Variants in NRP1 observed in about 807,000 individuals in gnomAD.
NRP1 encodes neuropilin-1.
A neutral mutation model predicts 106.7 loss-of-function variants in NRP1; 35 were observed. That is an observed-to-expected ratio of 0.33 (90% CI 0.25 to 0.43). NRP1 has a LOEUF of 0.43. NRP1 is among the 20% of genes least tolerant of loss of function. The probability of loss-of-function intolerance (pLI) is 1.00; values close to 1 mark genes in which losing one functional copy is unlikely to be tolerated. For missense variants in NRP1, 1,024 were observed against 1,170.4 expected (o/e 0.87, Z 1.83); for synonymous variants, 437 against 417.9 (o/e 1.05, Z -0.56).
At chr10:33,253,063 G>A (rs538970015) in intron 6 of NRP1, among the ~76,000 whole-genome samples, 4 of 150,462 alleles carry the variant, frequency 2.7e-5, no homozygotes, top group Admixed American at 6.6e-5. Flanking sequence ...AGCAATAAAC[G>A]TAAGACAGGA....
chr10:33,186,106 C>G (rs768084911), intron 14 of NRP1, 111 bp downstream of exon 14: 20 of 1,360,356 alleles, frequency 1.5e-5, no homozygotes, highest in Non-Finnish European at 1.9e-5. Flanking sequence ...GGTTGGGAAA[C>G]ACTGGAAATA....
intron 2 of NRP1, among the ~76,000 whole-genome samples, chr10:33,301,799 C>T (rs983944616): frequency 2.6e-5 from 4 of 151,940 alleles, no homozygotes; most frequent in African/African-American, 7.3e-5. Context: ...ACTTTTTGAG[C>T]GATTCGTTTT....
At chr10:33,300,022 T>A (rs1246502712) in intron 2 of NRP1, among the ~76,000 whole-genome samples, 1 of 152,192 alleles carries the variant, frequency 6.6e-6, no homozygotes, top group Admixed American at 6.5e-5. Context: ...TAACTCCCAT[T>A]TCCTACCAAA....
At chr10:33,206,283 T>C in intron 10 of NRP1, 1 of 519,018 alleles carries the variant, frequency 1.9e-6, no homozygotes. Context: ...AGTCTGCCCA[T>C]CTCTTCTTTT....
intron 12 of NRP1, chr10:33,195,670 A>T (rs1366618630): frequency 6.3e-6 from 3 of 476,946 alleles, no homozygotes; most frequent in African/African-American, 2.0e-5. Flanking sequence ...AGCATGCTCA[A>T]GTCCCCATGC....
At chr10:33,248,814 A>T (rs1448742096) in intron 6 of NRP1, among the ~76,000 whole-genome samples, 1 of 152,226 alleles carries the variant, frequency 6.6e-6, no homozygotes, top group Non-Finnish European at 1.5e-5. Context: ...CTAATCCACA[A>T]GAGGGCTGAT....
intron 1 of NRP1, among the ~76,000 whole-genome samples, chr10:33,333,141 A>G (rs73253822): frequency 0.085 from 12,882 of 152,152 alleles, 805 homozygotes; most frequent in African/African-American, 0.17. Context: ...TGAATTCTAC[A>G]TTCATAATTT....
At chr10:33,185,777 G>T in intron 14 of NRP1, 53 bp from the exon 15 acceptor site, 1 of 1,458,266 alleles carries the variant, frequency 6.9e-7, no homozygotes, top group Non-Finnish European at 9.6e-7. Flanking sequence ...TCACATGGCA[G>T]TGTTTACAAA....
chr10:33,254,850 C>T (rs570798646), intron 5 of NRP1, among the ~76,000 whole-genome samples: 1 of 152,174 alleles, frequency 6.6e-6, no homozygotes. Context: ...TCATAATGCT[C>T]ACAACAGTGA....
intron 2 of NRP1, among the ~76,000 whole-genome samples, chr10:33,306,650 G>A (rs754795582): frequency 1.4e-4 from 22 of 152,180 alleles, no homozygotes; most frequent in Non-Finnish European, 2.9e-4. Flanking sequence ...GTTAAAGGTA[G>A]TCAATGATGT....
At chr10:33,220,997 G>A (rs1049858704) in intron 8 of NRP1, among the ~76,000 whole-genome samples, 6 of 151,780 alleles carry the variant, frequency 4.0e-5, no homozygotes, top group East Asian at 3.9e-4. Context: ...TTGGGAGGCC[G>A]AGGTGGGAGG....
intron 2 of NRP1, among the ~76,000 whole-genome samples, chr10:33,280,747 C>T (rs943077210): frequency 1.3e-5 from 2 of 151,952 alleles, no homozygotes; most frequent in African/African-American, 2.4e-5. Context: ...TTTGGGATGT[C>T]GAGGTGGGCA....
chr10:33,314,036 C>T (rs7477282), intron 2 of NRP1, among the ~76,000 whole-genome samples: 2 of 132,748 alleles, frequency 1.5e-5, no homozygotes, highest in South Asian at 2.7e-4. Context: ...CTCTCTTTCT[C>T]TCTCTCTTTC....
chr10:33,217,015 G>A (rs915895973), intron 8 of NRP1, among the ~76,000 whole-genome samples: 1 of 151,994 alleles, frequency 6.6e-6, no homozygotes, highest in Non-Finnish European at 1.5e-5. Context: ...AATATACTCA[G>A]TCGGGATTAA....
chr10:33,306,159 T>C (rs1311809086), intron 2 of NRP1, among the ~76,000 whole-genome samples: 2 of 152,228 alleles, frequency 1.3e-5, no homozygotes, highest in Admixed American at 6.5e-5. Flanking sequence ...AAATCCATTT[T>C]TCCCCCCAAC....
intron 6 of NRP1, among the ~76,000 whole-genome samples, chr10:33,230,389 G>A (rs998340999): frequency 6.6e-6 from 1 of 152,136 alleles, no homozygotes; most frequent in South Asian, 2.1e-4. Flanking sequence ...GAAGGCAATC[G>A]AGAATCAACA....
intron 3 of NRP1, 61 bp downstream of exon 3, chr10:33,270,614 A>T: frequency 1.4e-6 from 2 of 1,442,428 alleles, no homozygotes; most frequent in East Asian, 4.8e-5. Flanking sequence ...GGGGTGAGCC[A>T]CCACACTCGG....
intron 11 of NRP1, among the ~76,000 whole-genome samples, chr10:33,200,640 C>A (rs369151605): frequency 1.1e-4 from 17 of 152,288 alleles, no homozygotes; most frequent in South Asian, 6.2e-4. Context: ...TAAACATCCA[C>A]GTTTGTAGTC....
chr10:33,272,669 A>G (rs1226706840), intron 2 of NRP1, among the ~76,000 whole-genome samples: 1 of 152,166 alleles, frequency 6.6e-6, no homozygotes, highest in Non-Finnish European at 1.5e-5. Flanking sequence ...TTATGGAGTA[A>G]TTCCTTTTAT....
Sources: gnomAD v4.1 joint callset for allele counts (sites outside exome capture counted in the v4.1 genomes callset) on GRCh38, gnomAD v4.1.1 for gene constraint, MANE v1.5 for transcripts, NCBI Gene and HGNC (gene_info 2026-07-23, HGNC 2026-07-21) for gene names.